Variants in DNM3 observed in about 807,000 individuals in gnomAD.
DNM3 encodes the protein dynamin-3.
Under a neutral mutation model 101.6 loss-of-function variants are expected in DNM3, and 47 were observed. The ratio of observed to expected loss-of-function variants is 0.46; its 90% CI spans 0.37 to 0.59. The LOEUF is 0.59. Among genes scored for constraint, DNM3 ranks in the 20% least tolerant of loss-of-function variants. The pLI is 0.00. For missense variants in DNM3, 849 were observed against 1,085.7 expected, an observed-to-expected ratio of 0.78 and a Z score of 3.06; for synonymous variants, 385 against 387.9, an observed-to-expected ratio of 0.99 and a Z score of 0.09.
intron 15 of DNM3, among the ~76,000 whole-genome samples, chr1:172,261,433 G>C (rs572352297): frequency 6.6e-6 from 1 of 152,210 alleles, no homozygotes; most frequent in Non-Finnish European, 1.5e-5. Flanking sequence ...GAATGCAGTT[G>C]TTATTAGTAG....
At chr1:172,321,957 T>C (rs1439222105) in intron 16 of DNM3, among the ~76,000 whole-genome samples, 1 of 152,196 alleles carries the variant, frequency 6.6e-6, no homozygotes, top group Non-Finnish European at 1.5e-5. Flanking sequence ...TTCGTTCTTA[T>C]GCCATTATTT....
intron 14 of DNM3, among the ~76,000 whole-genome samples, chr1:172,216,474 G>A (rs770127173): frequency 1.8e-4 from 27 of 151,994 alleles, no homozygotes; most frequent in Non-Finnish European, 3.5e-4. Flanking sequence ...CATTTGTGAT[G>A]GATGCTAAAG....
chr1:172,135,201 G>T (rs1333194225), intron 14 of DNM3, among the ~76,000 whole-genome samples: 1 of 152,098 alleles, frequency 6.6e-6, no homozygotes, highest in African/African-American at 2.4e-5. Context: ...CATCACACAT[G>T]CTAAGAGTTG....
intron 17 of DNM3, among the ~76,000 whole-genome samples, chr1:172,353,580 T>C (rs2067290352): frequency 6.6e-6 from 1 of 152,162 alleles, no homozygotes; most frequent in African/African-American, 2.4e-5. Context: ...TCCTCACAGA[T>C]ATAAGAAAAT....
chr1:171,972,085 A>C (rs1571894006), intron 2 of DNM3, among the ~76,000 whole-genome samples: 1 of 152,232 alleles, frequency 6.6e-6, no homozygotes, highest in Non-Finnish European at 1.5e-5. Flanking sequence ...TCATTCATTC[A>C]TTTATTCTTG....
At chr1:172,250,545 G>T (rs1317805258) in intron 14 of DNM3, among the ~76,000 whole-genome samples, 2 of 152,128 alleles carry the variant, frequency 1.3e-5, no homozygotes, top group Non-Finnish European at 2.9e-5. Context: ...GAAATTGGAA[G>T]GCAAGAGACT....
rs115469276 is a variant in DNM3, at chr1:171,984,298, C to G, written c.236-3358C>G. Among the ~76,000 whole-genome samples the G allele has an allele frequency of 9.2e-3, 1,403 of 152,276 alleles. 27 individuals carry two copies. Among genetic ancestry groups the G allele is most frequent in the African/African-American group, 0.032 (1,327 of 41,552 alleles). On this transcript the variant is annotated intron_variant, in intron 2 of 20. Coordinates refer to ENST00000627582, the MANE Select transcript of DNM3 (RefSeq NM_015569.5). The stretch of plus-strand genomic sequence containing the variant: ...CTCTACCCCAAATCCTTCAGATGGT[C>G]TGCCATCTCACTCAGCGAAAAATCA...
At chr1:171,983,547 A>G (rs1185129134) in intron 2 of DNM3, among the ~76,000 whole-genome samples, 2 of 151,842 alleles carry the variant, frequency 1.3e-5, no homozygotes, top group East Asian at 3.9e-4. Flanking sequence ...CTACCTTCTA[A>G]GTCTCCATCT....
chr1:172,312,612 A>T (rs941305847), intron 16 of DNM3, among the ~76,000 whole-genome samples: 1 of 151,964 alleles, frequency 6.6e-6, no homozygotes, highest in Non-Finnish European at 1.5e-5. Context: ...CTCTTAAGTT[A>T]TTTATCTTGG....
chr1:172,281,057 T>C (rs535641023), intron 15 of DNM3, among the ~76,000 whole-genome samples: 256 of 149,896 alleles, frequency 1.7e-3, no homozygotes, highest in African/African-American at 5.8e-3. Context: ...AAAAACTAAA[T>C]GTGATAATAT....
intron 14 of DNM3, among the ~76,000 whole-genome samples, chr1:172,214,586 G>C (rs1255901605): frequency 6.6e-6 from 1 of 152,008 alleles, no homozygotes; most frequent in African/African-American, 2.4e-5. Flanking sequence ...AACATAATTA[G>C]ATATGTTTGG....
At chr1:172,175,634 A>G (rs889138275) in intron 14 of DNM3, among the ~76,000 whole-genome samples, 3 of 151,800 alleles carry the variant, frequency 2.0e-5, no homozygotes, top group Non-Finnish European at 2.9e-5. Flanking sequence ...TCCAAGAACT[A>G]ATAGCAAGAA....
At chr1:172,235,694 A>G (rs142433733) in intron 14 of DNM3, among the ~76,000 whole-genome samples, 2,371 of 152,296 alleles carry the variant, frequency 0.016, 61 homozygotes, top group African/African-American at 0.053. Flanking sequence ...TGTCCTTTGT[A>G]GGGACATGGA....
In DNM3 at chr1:172,192,510, A is replaced by G. The variant is rs551235671; in HGVS notation, c.1660-61063A>G. 3.8e-3 allele frequency among the ~76,000 whole-genome samples: 538 copies of G among 140,086 alleles called. 2 individuals carry two copies. Among genetic ancestry groups the G allele is most frequent in the African/African-American group, 0.014 (513 of 37,988 alleles). 91.9% of individuals were successfully genotyped at this position (140,086 alleles called of 152,430 possible). On this transcript the variant is annotated intron_variant, in intron 14 of 20. Coordinates refer to ENST00000627582, the MANE Select transcript of DNM3 (RefSeq NM_015569.5). The stretch of plus-strand genomic sequence containing the variant: ...CATCTAGCATTAGGTATATCTCCCA[A>G]TGCTATCCCTCCCCCCTCCCCCCAC...
Position 172,249,680 on chromosome 1 carries a change from CT to C in DNM3, c.1660-3890del, listed in dbSNP as rs1243088567. Reference sequence around the variant, plus strand: ...TTTTATGAATCTCTATTAAAAAAATCTTTCTCTAGAAGTTTACCAGTGCTTC... The same window carrying C: ...TTTTATGAATCTCTATTAAAAAAATCTTCTCTAGAAGTTTACCAGTGCTTC... On this transcript the variant is annotated intron_variant, in intron 14 of 20. Coordinates refer to ENST00000627582, the MANE Select transcript of DNM3 (RefSeq NM_015569.5). Among the ~76,000 whole-genome samples, 9 of 152,214 alleles carry C rather than the reference CT, an allele frequency of 5.9e-5. No individual in the cohort carries two copies. In the East Asian group the frequency reaches 1.4e-3, roughly 23 times the overall value.
chr1:171,867,472 T>C (rs2034871095), intron 1 of DNM3, among the ~76,000 whole-genome samples: 1 of 152,236 alleles, frequency 6.6e-6, no homozygotes, highest in Non-Finnish European at 1.5e-5. Flanking sequence ...CCATGATTCT[T>C]CTGCTAATAG....
At chr1:172,319,176 G>A (rs2065564700) in intron 16 of DNM3, among the ~76,000 whole-genome samples, 2 of 152,252 alleles carry the variant, frequency 1.3e-5, no homozygotes, top group Admixed American at 6.5e-5. Flanking sequence ...GGGAAAACTG[G>A]CTAGCCATAT....
intron 1 of DNM3, among the ~76,000 whole-genome samples, chr1:171,891,440 G>A (rs748387013): frequency 3.3e-5 from 5 of 150,984 alleles, no homozygotes; most frequent in Non-Finnish European, 7.4e-5. Flanking sequence ...TGGTATGTTT[G>A]TTGCAATTAA....
intron 15 of DNM3, among the ~76,000 whole-genome samples, chr1:172,283,720 A>T (rs2063577194): frequency 6.9e-6 from 1 of 145,426 alleles, no homozygotes; most frequent in African/African-American, 2.6e-5. Flanking sequence ...AGATCATGCC[A>T]CTGCACTCCA....
Sources: gnomAD v4.1 joint callset for allele counts (sites outside exome capture counted in the v4.1 genomes callset) on GRCh38, gnomAD v4.1.1 for gene constraint, MANE v1.5 for transcripts, NCBI Gene and HGNC (gene_info 2026-07-23, HGNC 2026-07-21) for gene names.